Variants in WWTR1 observed in about 807,000 individuals in gnomAD.
The protein encoded by WWTR1 is WW domain-containing transcription regulator protein 1.
WWTR1 carries 13 observed loss-of-function variants against 40.1 expected under a neutral mutation model. The observed-to-expected ratio is 0.32, with a 90% CI of 0.21 to 0.52. The LOEUF (loss-of-function observed/expected upper bound fraction) is 0.52, where lower values mean the gene tolerates loss of function less well. Ranked by LOEUF, WWTR1 falls within the 20% of genes least tolerant of loss-of-function variation. The pLI, the probability that WWTR1 is intolerant of heterozygous loss-of-function variation, is 0.97. For missense variants in WWTR1, 436 were observed against 523.1 expected, an observed-to-expected ratio of 0.83 and a Z score of 1.63; for synonymous variants, 230 against 210.1, an observed-to-expected ratio of 1.09 and a Z score of -0.82.
At chr3:149,632,221 T>C (rs1711582249) in intron 2 of WWTR1, among the ~76,000 whole-genome samples, 1 of 152,220 alleles carries the variant, frequency 6.6e-6, no homozygotes, top group Non-Finnish European at 1.5e-5. Flanking sequence ...AAATAATTTT[T>C]ACTTTTTAAA....
intron 2 of WWTR1, among the ~76,000 whole-genome samples, chr3:149,617,001 A>T (rs1336686923): frequency 6.6e-6 from 1 of 152,196 alleles, no homozygotes; most frequent in Non-Finnish European, 1.5e-5. Context: ...AAAGTCACCA[A>T]GAAAATGCGA....
chr3:149,564,996 G>T (rs1172849704), intron 3 of WWTR1, among the ~76,000 whole-genome samples: 1 of 152,008 alleles, frequency 6.6e-6, no homozygotes, highest in Non-Finnish European at 1.5e-5. Context: ...AGACTCACCT[G>T]GCCAACGTGG....
chr3:149,531,375 G>A lies in WWTR1; in HGVS notation c.772-3406C>T, dbSNP rs139395843. ...ACATAGCAGCCAAAGTGAAGCTCAC[G>A]TGACCCCCTGCTCTAAAGCGACCTG... is the stretch of plus-strand genomic sequence containing the variant. On this transcript the variant is annotated intron_variant, in intron 4 of 6. Transcript: ENST00000360632. Among the ~76,000 whole-genome samples, 7 of 152,246 alleles carry A rather than the reference G, an allele frequency of 4.6e-5. No homozygotes were observed. In the East Asian group the frequency reaches 1.2e-3, roughly 25 times the overall value.
intron 2 of WWTR1, among the ~76,000 whole-genome samples, chr3:149,632,369 G>A (rs929922468): frequency 2.6e-5 from 4 of 152,074 alleles, no homozygotes; most frequent in Non-Finnish European, 4.4e-5. Context: ...ACGAGGAAAC[G>A]TGCTTCCTGA....
chr3:149,612,583 A>T (rs1739785066), intron 2 of WWTR1, among the ~76,000 whole-genome samples: 1 of 152,180 alleles, frequency 6.6e-6, no homozygotes, highest in African/African-American at 2.4e-5. Flanking sequence ...TTTTCTTTTC[A>T]GGGAAGTGCC....
At chr3:149,651,829 CTTTTT>C (rs764013293) in intron 2 of WWTR1, among the ~76,000 whole-genome samples, 1 of 117,998 alleles carries the variant, frequency 8.5e-6, no homozygotes, top group Admixed American at 9.4e-5. Flanking sequence ...TATGGATTTT[CTTTTT>C]TTTTTTTTTT....
chr3:149,638,431 C>T (rs1045793618), intron 2 of WWTR1, among the ~76,000 whole-genome samples: 2 of 152,124 alleles, frequency 1.3e-5, no homozygotes. Flanking sequence ...CAGTATACTT[C>T]CCTGACATTT....
At chr3:149,624,317 G>A (rs1358606285) in intron 2 of WWTR1, among the ~76,000 whole-genome samples, 1 of 152,194 alleles carries the variant, frequency 6.6e-6, no homozygotes, top group East Asian at 1.9e-4. Flanking sequence ...AGGCAATATG[G>A]CCAAGAGGCA....
intron 2 of WWTR1, among the ~76,000 whole-genome samples, chr3:149,606,331 T>A (rs978175454): frequency 6.6e-6 from 1 of 152,222 alleles, no homozygotes; most frequent in Non-Finnish European, 1.5e-5. Context: ...GTGTCTGCTA[T>A]ATGCCCTGGG....
intron 2 of WWTR1, among the ~76,000 whole-genome samples, chr3:149,646,217 T>C (rs1206318636): frequency 2.6e-5 from 4 of 152,142 alleles, no homozygotes. Flanking sequence ...ATTAGATAGG[T>C]CGTTAAGAGA....
intron 3 of WWTR1, among the ~76,000 whole-genome samples, chr3:149,546,349 T>C (rs1384517940): frequency 6.6e-6 from 1 of 152,238 alleles, no homozygotes; most frequent in East Asian, 1.9e-4. Flanking sequence ...TTAAAAATGA[T>C]CTTAATGTCC....
chr3:149,656,930 A>C lies in WWTR1; in HGVS notation c.377T>G (p.Leu126Arg). 1 of 1,571,252 alleles carries C rather than the reference A, an allele frequency of 6.4e-7. No homozygotes were observed. Among genetic ancestry groups the C allele is most frequent in the Non-Finnish European group, 8.6e-7 (1 of 1,162,118 alleles). The change falls in exon 2 of 7, where the codon CTG (leucine) becomes CGG (arginine). Residue 126 changes from leucine to arginine, a missense_variant. By Grantham distance (102) the Leu-to-Arg change is moderately radical (BLOSUM62 -2). Coordinates refer to ENST00000360632, the MANE Select transcript of WWTR1 (RefSeq NM_015472.6). ...QSYDVTDELP[L>R]PPGWEMTFTA... is the part of the protein sequence containing the mutation. Reference sequence around the variant, plus strand: ...GAAGGTCATCTCCCAGCCCGGGGGCAGTGGCAGCTCGTCGGTCACGTCGTA... The same window carrying C: ...GAAGGTCATCTCCCAGCCCGGGGGCCGTGGCAGCTCGTCGGTCACGTCGTA...
intron 1 of WWTR1, among the ~76,000 whole-genome samples, chr3:149,678,960 T>G (rs59957597): frequency 0.043 from 6,520 of 151,904 alleles, 288 homozygotes; most frequent in East Asian, 0.13. Context: ...CTCCCTAGTA[T>G]CTGGGATTAC....
chr3:149,667,912 G>T (rs1713901587), intron 2 of WWTR1, among the ~76,000 whole-genome samples: 1 of 152,150 alleles, frequency 6.6e-6, no homozygotes, highest in Non-Finnish European at 1.5e-5. Context: ...AAAACATCTT[G>T]ATAAGATACC....
At chr3:149,527,260 T>A (rs1735364359) in intron 5 of WWTR1, among the ~76,000 whole-genome samples, 1 of 151,484 alleles carries the variant, frequency 6.6e-6, no homozygotes, top group South Asian at 2.1e-4. Context: ...GTTCAAGCAA[T>A]TCTCAGCCTC....
intron 2 of WWTR1, among the ~76,000 whole-genome samples, chr3:149,668,613 A>AAAAAAAAAAAAAC (rs548038608): frequency 2.7e-5 from 4 of 147,594 alleles, no homozygotes; most frequent in Admixed American, 6.9e-5. Context: ...GTCTCAAAAA[A>AAAAAAAAAAAAAC]AACAACAAAA....
At chr3:149,692,010 C>T (rs1031185863) in intron 1 of WWTR1, among the ~76,000 whole-genome samples, 2 of 151,218 alleles carry the variant, frequency 1.3e-5, no homozygotes, top group South Asian at 2.1e-4. Flanking sequence ...AGCGAGACTC[C>T]GTCTCAAAAA....
At chr3:149,614,691 C>T (rs1462433163) in intron 2 of WWTR1, among the ~76,000 whole-genome samples, 1 of 152,066 alleles carries the variant, frequency 6.6e-6, no homozygotes, top group South Asian at 2.1e-4. Context: ...GACATCAGAA[C>T]GATAGCTTAG....
At chr3:149,611,646 G>C (rs80031622) in intron 2 of WWTR1, among the ~76,000 whole-genome samples, 1,532 of 152,306 alleles carry the variant, frequency 0.01, 28 homozygotes, top group African/African-American at 0.035. Flanking sequence ...GGCGAGATGA[G>C]TCTGAGCAAT....
Sources: gnomAD v4.1 joint callset for allele counts (sites outside exome capture counted in the v4.1 genomes callset) on GRCh38, gnomAD v4.1.1 for gene constraint, MANE v1.5 for transcripts, NCBI Gene and HGNC (gene_info 2026-07-23, HGNC 2026-07-21) for gene names.